Variants in CCND1 observed in about 807,000 individuals in gnomAD.
CCND1 encodes cyclin D1.
A neutral mutation model predicts 26.1 loss-of-function variants in CCND1; 9 were observed. The ratio of observed to expected loss-of-function variants is 0.35; its 90% CI spans 0.21 to 0.60. The LOEUF is 0.60. CCND1 is among the 20% of genes least tolerant of loss of function. The probability of loss-of-function intolerance (pLI) is 0.79; values close to 1 mark genes in which losing one functional copy is unlikely to be tolerated. For missense variants in CCND1, 335 were observed against 392.9 expected (o/e 0.85, Z 1.25); for synonymous variants, 194 against 166.1 (o/e 1.17, Z -1.29).
chr11:69,646,605 C>T (rs754405062), intron 3 of CCND1, among the ~76,000 whole-genome samples: 3 of 152,196 alleles, frequency 2.0e-5, no homozygotes, highest in African/African-American at 4.8e-5. Context: ...TCCCTGCCGA[C>T]GTCCGGCTCC....
rs186370523 is a variant in CCND1 at position 69,650,640 on chromosome 11, G to A, written c.724-478G>A. 6.5e-3 allele frequency among the ~76,000 whole-genome samples: 985 copies of A among 152,346 alleles called. 11 individuals carry two copies. The highest frequency in any genetic ancestry group is 0.022 in the African/African-American group (926 of 41,586). On this transcript the variant is annotated intron_variant, in intron 4 of 4. Transcript: ENST00000227507. ...CAGCATTCATCCTCAGTCATGCACG[G>A]CCCAAGGCTTCGACAGCCATTGATC...
At position 69,654,071 on chromosome 11, in the gene CCND1, G is replaced by A. The variant is rs1236080184; in HGVS notation, c.*2789G>A. The A allele has an allele frequency of 1.6e-6, 1 of 619,342 alleles. No homozygotes were observed. The highest frequency in any genetic ancestry group is 2.7e-5 in the East Asian group (1 of 36,574). The allele number at this position is 619,342 out of a possible 1,614,324, so 38.4% of individuals were successfully genotyped here. ...TGCGGGCCCACGTGGTTGGGGCCCT[G>A]CCCTGGCAGGGTCATCCTGTGCTCG... On this transcript the variant is annotated 3_prime_UTR_variant, in exon 5 of 5. Coordinates refer to ENST00000227507, the MANE Select transcript of CCND1 (RefSeq NM_053056.3). This position sits in a 1 kb window ranked among gnomAD's most constrained non-coding sequence, Gnocchi z 6.3.
At position 69,649,857 on chromosome 11, in the gene CCND1, C is replaced by T. The variant is rs368526498; in HGVS notation, c.724-1261C>T. On this transcript the variant is annotated intron_variant, in intron 4 of 4. Transcript: ENST00000227507. ...AAGCTGGCTGGTGTTTTAGGTTGAA[C>T]GTCAGGAGTCTTGTATCTCACCCCA... 4.6e-5 allele frequency among the ~76,000 whole-genome samples: 7 copies of T among 152,282 alleles called. No homozygotes were observed. The East Asian group carries it at 5.8e-4, about 13-fold the overall frequency.
At chr11:69,649,914 G>A (rs1452455440) in intron 4 of CCND1, among the ~76,000 whole-genome samples, 2 of 152,240 alleles carry the variant, frequency 1.3e-5, no homozygotes, top group African/African-American at 4.8e-5. Context: ...CATCTGTACA[G>A]TGGGACTGTT....
chr11:69,645,181 G>A (rs574855391), intron 3 of CCND1, among the ~76,000 whole-genome samples: 1 of 152,084 alleles, frequency 6.6e-6, no homozygotes, highest in Non-Finnish European at 1.5e-5. Flanking sequence ...GGTCTGGGGT[G>A]GGGGGGCATG....
rs1049973811 is a variant in CCND1, at chr11:69,653,630, G to T, written c.*2348G>T. On this transcript the variant is annotated 3_prime_UTR_variant, in exon 5 of 5. Coordinates refer to ENST00000227507, the MANE Select transcript of CCND1 (RefSeq NM_053056.3). ...GGCCGCGTGCGTGAGAACCGCGCCG[G>T]TGTCCCCAGAGACCAGGCTGTGTCC... The T allele has an allele frequency of 4.5e-6, 2 of 444,250 alleles. No homozygotes were observed. The highest frequency in any genetic ancestry group is 8.0e-6 in the Non-Finnish European group (2 of 249,416). 27.5% of individuals were successfully genotyped at this position (444,250 alleles called of 1,614,324 possible).
In CCND1 at chr11:69,643,944, A is replaced by T. The variant is rs1433903280; in HGVS notation, c.527A>T (p.Gln176Leu). Reference protein sequence around the residue: ...SKMPEAEENKQIIRKHAQTFV... With the variant: ...SKMPEAEENKLIIRKHAQTFV... ...ATGCCAGAGGCGGAGGAGAACAAAC[A>T]GATCATCCGCAAACACGCGCAGACC... Residue 176 changes from glutamine to leucine, a missense_variant, in exon 3 of 5, where the codon CAG (glutamine) becomes CTG (leucine). Physicochemically the swap from Gln to Leu is moderately radical, Grantham distance 113. Transcript: ENST00000227507. 1 of 1,613,396 alleles carries T rather than the reference A, an allele frequency of 6.2e-7. No homozygotes were observed. Among genetic ancestry groups the T allele is most frequent in the Non-Finnish European group, 8.5e-7 (1 of 1,180,024 alleles).
chr11:69,644,278 A>T, intron 3 of CCND1: 1 of 467,536 alleles, frequency 2.1e-6, no homozygotes, highest in South Asian at 2.5e-5. Context: ...CCTTCAGGCC[A>T]GGCAGCCTGT....
At chr11:69,641,566 CCA>C in intron 1 of CCND1, 55 bp downstream of exon 1, 1 of 1,560,158 alleles carries the variant, frequency 6.4e-7, no homozygotes, top group Non-Finnish European at 8.8e-7. Flanking sequence ...TTGCCCAGAC[CCA>C]CGTTTCTTTG....
chr11:69,645,894 C>T (rs1050758390), intron 3 of CCND1, among the ~76,000 whole-genome samples: 16 of 152,194 alleles, frequency 1.1e-4, no homozygotes, highest in African/African-American at 2.7e-4. Flanking sequence ...AGGGCAGGTG[C>T]GCCCTTGGCT....
rs756509430 is a variant in CCND1, at chr11:69,648,050, G to A, written c.631G>A (p.Ala211Thr). 1.9e-6 allele frequency: 3 copies of A among 1,613,896 alleles called. No individual in the cohort carries two copies. The highest frequency in any genetic ancestry group is 1.1e-5 in the South Asian group (1 of 91,084). Reference sequence around the variant, plus strand: ...GGTGGCAGCGGGGAGCGTGGTGGCCGCAGTGCAAGGCCTGAACCTGAGGAG... The same window carrying A: ...GGTGGCAGCGGGGAGCGTGGTGGCCACAGTGCAAGGCCTGAACCTGAGGAG... The part of the protein sequence containing the change: ...SMVAAGSVVA[A>T]VQGLNLRSPN... The change falls in exon 4 of 5, where the codon GCA (alanine) becomes ACA (threonine). Residue 211 changes from alanine to threonine, a missense_variant. Transcript: ENST00000227507.
At chr11:69,647,906 A>C in intron 3 of CCND1, 88 bp from the exon 4 acceptor site, 1 of 1,498,370 alleles carries the variant, frequency 6.7e-7, no homozygotes, top group Non-Finnish European at 9.1e-7. Flanking sequence ...CCGCTTGCTC[A>C]GAGCCAGCAC....
At position 69,641,181 on chromosome 11, in the gene CCND1, G is replaced by A. The variant is rs114749527; in HGVS notation, c.-133G>A. 1.3e-4 allele frequency: 116 copies of A among 866,356 alleles called. No homozygotes were observed. In the African/African-American group the frequency reaches 1.4e-3, roughly 11 times the overall value. The allele number at this position is 866,356 out of a possible 1,614,324, so 53.7% of individuals were successfully genotyped here. ...AGAGGGCTGTCGGCGCAGTAGCAGC[G>A]AGCAGCAGAGTCCGCACGCTCCGGC... On this transcript the variant is annotated 5_prime_UTR_variant, in exon 1 of 5. Coordinates refer to ENST00000227507, the MANE Select transcript of CCND1 (RefSeq NM_053056.3).
chr11:69,648,102 G>T lies in CCND1; in HGVS notation c.683G>T (p.Arg228Leu). 1.2e-6 allele frequency: 2 copies of T among 1,613,902 alleles called. No individual in the cohort carries two copies. Among genetic ancestry groups the T allele is most frequent in the Non-Finnish European group, 1.7e-6 (2 of 1,180,000 alleles). ...CCCAACAACTTCCTGTCCTACTACC[G>T]CCTCACACGCTTCCTCTCCAGAGTG... Reference protein sequence around the residue: ...RSPNNFLSYYRLTRFLSRVIK... With the variant: ...RSPNNFLSYYLLTRFLSRVIK... Residue 228 changes from arginine (R) to leucine (L), a missense_variant, in exon 4 of 5, where the codon CGC (arginine) becomes CTC (leucine). Transcript: ENST00000227507.
chr11:69,644,330 C>T (rs1045247220), intron 3 of CCND1: 11 of 317,848 alleles, frequency 3.5e-5, no homozygotes, highest in Admixed American at 1.8e-4. Context: ...GCCACAGGGC[C>T]GCCTCCTTTC....
chr11:69,641,156 A>T lies in CCND1; in HGVS notation c.-158A>T. The T allele has an allele frequency of 1.4e-6, 1 of 699,940 alleles. No homozygotes were observed. The highest frequency in any genetic ancestry group is 2.6e-5 in the East Asian group (1 of 38,012). 43.4% of individuals were successfully genotyped at this position (699,940 alleles called of 1,614,324 possible). On this transcript the variant is annotated 5_prime_UTR_variant, in exon 1 of 5. Coordinates refer to ENST00000227507, the MANE Select transcript of CCND1 (RefSeq NM_053056.3). ...GAAGTTGCAAAGTCCTGGAGCCTCC[A>T]GAGGGCTGTCGGCGCAGTAGCAGCG...
chr11:69,648,264 G>C (rs1193960375), intron 4 of CCND1, 122 bp downstream of exon 4: 35 of 1,111,962 alleles, frequency 3.1e-5, no homozygotes, highest in Non-Finnish European at 4.5e-5. Context: ...GGCTGGGGCT[G>C]GGCCCCTCGG....
chr11:69,650,275 C>A (rs1855837791), intron 4 of CCND1, among the ~76,000 whole-genome samples: 1 of 152,238 alleles, frequency 6.6e-6, no homozygotes, highest in Non-Finnish European at 1.5e-5. Flanking sequence ...GTTCTCCATC[C>A]AGAAGCCCCC....
intron 3 of CCND1, among the ~76,000 whole-genome samples, chr11:69,645,495 T>C (rs1202376346): frequency 6.6e-6 from 1 of 152,132 alleles, no homozygotes; most frequent in Admixed American, 6.5e-5. Flanking sequence ...GGAGGGACAC[T>C]TGGGGACCCA....
Sources: gnomAD v4.1 joint callset for allele counts (sites outside exome capture counted in the v4.1 genomes callset) on GRCh38, gnomAD v4.1.1 for gene constraint, Gnocchi (gnomAD v3.1) non-coding constraint, MANE v1.5 for transcripts, NCBI Gene and HGNC (gene_info 2026-07-23, HGNC 2026-07-21) for gene names.